Variants in CDH13 observed in about 807,000 individuals in gnomAD.
CDH13 encodes cadherin 13.
Under a neutral mutation model 63.8 loss-of-function variants are expected in CDH13, and 24 were observed. The ratio of observed to expected loss-of-function variants is 0.38; its 90% CI spans 0.27 to 0.53. CDH13 has a LOEUF of 0.53. Among genes scored for constraint, CDH13 ranks in the 20% least tolerant of loss-of-function variants. The pLI is 0.85. For missense variants in CDH13, 1,049 were observed against 903.1 expected, an observed-to-expected ratio of 1.16 and a Z score of -2.07; for synonymous variants, 503 against 355.3, an observed-to-expected ratio of 1.42 and a Z score of -4.67.
At chr16:83,592,849 A>T (rs550709058) in intron 7 of CDH13, among the ~76,000 whole-genome samples, 4 of 152,222 alleles carry the variant, frequency 2.6e-5, no homozygotes, top group Non-Finnish European at 5.9e-5. Flanking sequence ...CCAAGAGGTA[A>T]GGTGAAAAGA....
rs1359894503 is a variant in CDH13, at chr16:83,447,726, TA to T, written c.782-38748del. On this transcript the variant is annotated intron_variant, in intron 6 of 13. Transcript: ENST00000567109. ...GTGAAGTTAGAGATAATCATTTTTT[TA>T]AATTATATTAAATTATATTTTATAT... is the stretch of plus-strand genomic sequence containing the variant. Among the ~76,000 whole-genome samples the T allele has an allele frequency of 1.9e-4, 29 of 148,978 alleles. No individual in the cohort carries two copies. In the South Asian group the frequency reaches 2.7e-3, roughly 14 times the overall value.
chr16:83,492,299 G>T (rs2074031718), intron 7 of CDH13, among the ~76,000 whole-genome samples: 1 of 152,146 alleles, frequency 6.6e-6, no homozygotes, highest in Admixed American at 6.5e-5. Flanking sequence ...AGGCCTTTCT[G>T]ATTTAATGCT....
In CDH13 at chr16:82,743,479, A is replaced by C. The variant is rs879638802; in HGVS notation, c.46-114883A>C. Among the ~76,000 whole-genome samples, 10 of 152,334 alleles carry C rather than the reference A, an allele frequency of 6.6e-5. No individual in the cohort carries two copies. The East Asian group carries it at 1.9e-3, about 29-fold the overall frequency. ...ATCCACTCACCCACTTCAGCCTCCC[A>C]AAATGGTGAGATTACAGGCATTAGC... On this transcript the variant is annotated intron_variant, in intron 1 of 13. Transcript: ENST00000567109.
At chr16:83,574,039 G>A (rs1372138275) in intron 7 of CDH13, among the ~76,000 whole-genome samples, 1 of 152,086 alleles carries the variant, frequency 6.6e-6, no homozygotes, top group Admixed American at 6.5e-5. Context: ...CAGTTTTCCC[G>A]AGACAGTCCT....
intron 1 of CDH13, among the ~76,000 whole-genome samples, chr16:82,751,382 T>A (rs2034407655): frequency 6.6e-6 from 1 of 152,134 alleles, no homozygotes; most frequent in South Asian, 2.1e-4. Flanking sequence ...GAGCCTCACT[T>A]CACAGACAGC....
chr16:83,347,099 C>A (rs1233498592), intron 6 of CDH13, among the ~76,000 whole-genome samples: 1 of 152,180 alleles, frequency 6.6e-6, no homozygotes. Flanking sequence ...TTACTTAGCA[C>A]CCTGTAAGAG....
chr16:82,747,259 C>T (rs1194085075), intron 1 of CDH13, among the ~76,000 whole-genome samples: 1 of 152,156 alleles, frequency 6.6e-6, no homozygotes, highest in Non-Finnish European at 1.5e-5. Flanking sequence ...AATTCATAAT[C>T]TGTAGCCAAA....
At chr16:83,519,299 C>G (rs1329296074) in intron 7 of CDH13, among the ~76,000 whole-genome samples, 1 of 152,166 alleles carries the variant, frequency 6.6e-6, no homozygotes, top group Non-Finnish European at 1.5e-5. Flanking sequence ...CCAGTGATAT[C>G]CAAGGGCCTT....
intron 2 of CDH13, among the ~76,000 whole-genome samples, chr16:82,908,712 G>A (rs2041727237): frequency 6.6e-6 from 1 of 151,974 alleles, no homozygotes; most frequent in Non-Finnish European, 1.5e-5. Context: ...TATCTGTGGG[G>A]GCCAAAATCC....
At chr16:83,121,211 A>G (rs1294005291) in intron 3 of CDH13, among the ~76,000 whole-genome samples, 1 of 152,186 alleles carries the variant, frequency 6.6e-6, no homozygotes, top group Non-Finnish European at 1.5e-5. Flanking sequence ...CCTAGAGACT[A>G]AAGTGTCTCT....
chr16:83,144,560 A>G (rs182749236), intron 4 of CDH13, among the ~76,000 whole-genome samples: 1 of 152,338 alleles, frequency 6.6e-6, no homozygotes, highest in East Asian at 1.9e-4. Flanking sequence ...TAATAGATGC[A>G]CTGTATTTTT....
chr16:83,397,979 T>A (rs1187273029), intron 6 of CDH13: 1 of 137,910 alleles, frequency 7.3e-6, no homozygotes, highest in Non-Finnish European at 1.6e-5. Flanking sequence ...ACTGGTCTAT[T>A]TGCAGGTGCA....
chr16:83,447,057 A>C (rs1169526978), intron 6 of CDH13, among the ~76,000 whole-genome samples: 1 of 95,922 alleles, frequency 1.0e-5, no homozygotes, highest in Non-Finnish European at 2.8e-5. Context: ...CCGTCTTAAA[A>C]AAAAAAAAAA....
rs2041659006 is a variant in CDH13 at position 82,906,746 on chromosome 16, A to C, written c.157+48273A>C. ...GGGCTGTACTCCCTCCGAAGGCTCCAGGGGAGGATCCTTCCCCACCCCTTC... is the reference window on the plus strand; with the variant it reads ...GGGCTGTACTCCCTCCGAAGGCTCCCGGGGAGGATCCTTCCCCACCCCTTC... On this transcript the variant is annotated intron_variant, in intron 2 of 13. Transcript: ENST00000567109. Among the ~76,000 whole-genome samples the C allele has an allele frequency of 2.0e-5, 3 of 152,170 alleles. No homozygotes were observed. The South Asian group carries it at 6.2e-4, about 32-fold the overall frequency.
chr16:83,510,183 G>A (rs1598187439), intron 7 of CDH13, among the ~76,000 whole-genome samples: 2 of 152,250 alleles, frequency 1.3e-5, no homozygotes, highest in South Asian at 4.2e-4. Context: ...ATTCTTCAGG[G>A]ATATTATTTT....
chr16:83,032,042 C>G lies in CDH13; in HGVS notation c.190C>G (p.Leu64Val), dbSNP rs772176185. 2 of 1,604,420 alleles carry G rather than the reference C, an allele frequency of 1.2e-6. No homozygotes were observed. Among genetic ancestry groups the G allele is most frequent in the Non-Finnish European group, 1.7e-6 (2 of 1,175,582 alleles). ...TFSDCKGNDK[L>V]RYEVSSPYFK... is the part of the protein sequence containing the mutation. ...CAGTGACTGTAAGGGAAACGACAAG[C>G]TACGCTATGAGGTCTCGAGCCCATA... Residue 64 changes from leucine to valine, a missense_variant, in exon 3 of 14, where the codon CTA becomes GTA. Leu to Val is a conservative substitution (Grantham distance 32). Coordinates refer to ENST00000567109, the MANE Select transcript of CDH13 (RefSeq NM_001257.5).
chr16:83,040,881 C>T (rs963653387), intron 3 of CDH13, among the ~76,000 whole-genome samples: 5 of 152,156 alleles, frequency 3.3e-5, no homozygotes, highest in Admixed American at 2.6e-4. Context: ...ATGAACGAGG[C>T]AAACTGAGGT....
intron 1 of CDH13, among the ~76,000 whole-genome samples, chr16:82,672,403 TA>T (rs1317419435): frequency 1.3e-5 from 2 of 152,148 alleles, no homozygotes; most frequent in African/African-American, 4.8e-5. Context: ...ACCACCACCT[TA>T]AACTCGGTAC....
At chr16:83,172,844 A>G (rs1192188645) in intron 4 of CDH13, among the ~76,000 whole-genome samples, 3 of 152,158 alleles carry the variant, frequency 2.0e-5, no homozygotes, top group South Asian at 2.1e-4. Context: ...GGATCGTTTC[A>G]TCAGAGGATT....
Sources: gnomAD v4.1 joint callset for allele counts (sites outside exome capture counted in the v4.1 genomes callset) on GRCh38, gnomAD v4.1.1 for gene constraint, MANE v1.5 for transcripts, NCBI Gene and HGNC (gene_info 2026-07-23, HGNC 2026-07-21) for gene names.